The following PATJ variants were observed in gnomAD, a reference collection of about 807,000 sequenced individuals.
PATJ encodes PATJ crumbs cell polarity complex component.
PATJ carries 190 observed loss-of-function variants against 224.9 expected under a neutral mutation model. The ratio of observed to expected loss-of-function variants is 0.84; its 90% CI spans 0.75 to 0.95. The LOEUF is 0.95. Among genes scored for constraint, PATJ ranks in the 40% least tolerant of loss-of-function variants. The probability of loss-of-function intolerance (pLI) is 0.00; values close to 1 mark genes in which losing one functional copy is unlikely to be tolerated. For synonymous variants in PATJ, 769 were observed against 820.3 expected (o/e 0.94, Z 1.07); for missense variants, 2,121 against 2,270.3 (o/e 0.93, Z 1.34).
chr1:62,047,087 C>A (rs1652702531), intron 30 of PATJ, among the ~76,000 whole-genome samples: 1 of 152,140 alleles, frequency 6.6e-6, no homozygotes, highest in Admixed American at 6.6e-5. Context: ...TTAAGGAACG[C>A]TTTCCTTTCC....
chr1:61,912,062 A>G (rs1480701249), intron 25 of PATJ, among the ~76,000 whole-genome samples: 1 of 151,218 alleles, frequency 6.6e-6, no homozygotes, highest in Non-Finnish European at 1.5e-5. Flanking sequence ...TATGTTTATC[A>G]TCACGTGTTG....
At chr1:61,890,147 T>C (rs1189572636) in intron 22 of PATJ, among the ~76,000 whole-genome samples, 2 of 152,162 alleles carry the variant, frequency 1.3e-5, no homozygotes, top group African/African-American at 4.8e-5. Flanking sequence ...TATCTATCTT[T>C]TGTCACCCGT....
chr1:62,006,281 A>T (rs1646092309), intron 28 of PATJ, among the ~76,000 whole-genome samples: 1 of 151,872 alleles, frequency 6.6e-6, no homozygotes, highest in Non-Finnish European at 1.5e-5. Flanking sequence ...CACCCCACTA[A>T]TTTTTTCTAT....
intron 1 of PATJ, among the ~76,000 whole-genome samples, chr1:61,743,530 A>ATTTC (rs1312585699): frequency 1.3e-5 from 2 of 152,218 alleles, no homozygotes; most frequent in Non-Finnish European, 1.5e-5. Flanking sequence ...AGGAAGGCAG[A>ATTTC]AGCCTTTGGA....
rs77673861 is a variant in PATJ at position 61,760,394 on chromosome 1, A to G, written c.-35-2464A>G. On this transcript the variant is annotated intron_variant, in intron 1 of 43. Coordinates refer to ENST00000642238, the MANE Select transcript of PATJ (RefSeq NM_001350145.3). ...GTTGATGTAAGAAAATTTTGATTGT[A>G]TAATACTTGTATTTCTTTGATGGTT... 3.2e-4 allele frequency among the ~76,000 whole-genome samples: 48 copies of G among 152,310 alleles called. No individual in the cohort carries two copies. The East Asian group carries it at 8.3e-3, about 26-fold the overall frequency.
chr1:62,084,014 G>C (rs965611381), intron 32 of PATJ, among the ~76,000 whole-genome samples: 2 of 152,162 alleles, frequency 1.3e-5, no homozygotes, highest in African/African-American at 4.8e-5. Flanking sequence ...AGCACTTTGG[G>C]AGGCCAAGGC....
chr1:62,020,167 C>CA (rs959541685), intron 29 of PATJ, among the ~76,000 whole-genome samples: 135 of 143,252 alleles, frequency 9.4e-4, no homozygotes, highest in Non-Finnish European at 1.1e-3. Flanking sequence ...GACCTTGTCT[C>CA]AAAAAAAAAA....
intron 27 of PATJ, among the ~76,000 whole-genome samples, chr1:61,981,828 C>T (rs897467526): frequency 1.3e-5 from 2 of 152,176 alleles, no homozygotes; most frequent in African/African-American, 4.8e-5. Flanking sequence ...TGTGCCACCA[C>T]ATCCAGCTAA....
chr1:62,035,835 A>G (rs777449032), intron 29 of PATJ, among the ~76,000 whole-genome samples: 1 of 152,076 alleles, frequency 6.6e-6, no homozygotes, highest in Non-Finnish European at 1.5e-5. Flanking sequence ...GGGTGCTATG[A>G]GCATATTAAG....
intron 18 of PATJ, among the ~76,000 whole-genome samples, chr1:61,858,614 A>G (rs562804497): frequency 3.9e-5 from 6 of 152,210 alleles, no homozygotes; most frequent in African/African-American, 1.4e-4. Flanking sequence ...TTCATTCACC[A>G]TCGCGAAGAC....
At chr1:61,900,222 G>A (rs1670938769) in intron 23 of PATJ, among the ~76,000 whole-genome samples, 1 of 152,050 alleles carries the variant, frequency 6.6e-6, no homozygotes, top group Admixed American at 6.6e-5. Flanking sequence ...ATTATTAATG[G>A]ATATCTCCAC....
At chr1:61,767,816 A>G (rs1402338637) in intron 4 of PATJ, among the ~76,000 whole-genome samples, 1 of 151,354 alleles carries the variant, frequency 6.6e-6, no homozygotes, top group Non-Finnish European at 1.5e-5. Context: ...AGCTGGGACT[A>G]CAGGCGTGTG....
intron 9 of PATJ, 135 bp from the exon 10 acceptor site, chr1:61,795,332 C>T (rs1253793120): frequency 4.1e-6 from 2 of 491,858 alleles, no homozygotes; most frequent in South Asian, 3.9e-5. Flanking sequence ...CCATCAATTT[C>T]TCTGCTTGTG....
rs1669948584 is a variant in PATJ at position 62,163,019 on chromosome 1, AAC to A, written c.*1969_*1970del. 7.4e-6 allele frequency: 2 copies of A among 268,508 alleles called. No individual in the cohort carries two copies. Among genetic ancestry groups the A allele is most frequent in the African/African-American group, 4.7e-5 (2 of 42,796 alleles). 16.6% of individuals were successfully genotyped at this position (268,508 alleles called of 1,614,324 possible). A position where few individuals can be genotyped will look rare whatever the true frequency, so the allele number is the denominator to read the frequency against. On this transcript the variant is annotated 3_prime_UTR_variant, in exon 44 of 44. Transcript: ENST00000642238. ...AAGTAGTTCAGCATTATTTAACTACAACACAATGCTGCAAATATTTCACAGTA... is the reference window on the plus strand; with the variant it reads ...AAGTAGTTCAGCATTATTTAACTACAACAATGCTGCAAATATTTCACAGTA...
At position 61,991,657 on chromosome 1, in the gene PATJ, A is replaced by ACTTTT; in HGVS notation, c.3867+1302_3867+1306dup. The ACTTTT allele has an allele frequency of 4.1e-6, 4 of 985,284 alleles. No homozygotes were observed. In the South Asian group the frequency reaches 1.9e-4, roughly 46 times the overall value. 61.0% of individuals were successfully genotyped at this position (985,284 alleles called of 1,614,324 possible). A position where few individuals can be genotyped will look rare whatever the true frequency, so the allele number is the denominator to read the frequency against. ...CTGCAAAGAAGTCACTTCCAGGATT[A>ACTTTT]CTTTTCTTTTCTTGTTCTTTTATAA... On this transcript the variant is annotated intron_variant, in intron 28 of 43. Transcript: ENST00000642238.
Position 62,079,574 on chromosome 1 carries a change from T to G in PATJ, c.4243+7T>G, listed in dbSNP as rs74076514. The G allele has an allele frequency of 2.6e-6, 4 of 1,551,346 alleles. No homozygotes were observed. In the East Asian group the frequency reaches 9.0e-5, roughly 35 times the overall value. On this transcript the variant is annotated splice_region_variant and intron_variant, in intron 32 of 43. Coordinates refer to ENST00000642238, the MANE Select transcript of PATJ (RefSeq NM_001350145.3). Reference sequence around the variant, plus strand: ...GCAGACTTCACAGGCTATGGTATGATTCTTTCTCTCAGCAGATCTGGCTCA... The same window carrying G: ...GCAGACTTCACAGGCTATGGTATGAGTCTTTCTCTCAGCAGATCTGGCTCA...
At chr1:62,160,425 A>G (rs1483279629) in intron 43 of PATJ, among the ~76,000 whole-genome samples, 1 of 152,218 alleles carries the variant, frequency 6.6e-6, no homozygotes, top group Non-Finnish European at 1.5e-5. Flanking sequence ...TTCACTTACC[A>G]TACAATTCAC....
rs1269510908 is a variant in PATJ, at chr1:62,125,263, A to C, written c.5043+2205A>C. Among the ~76,000 whole-genome samples, 5 of 63,012 alleles carry C rather than the reference A, an allele frequency of 7.9e-5. 1 individual carries two copies. Among genetic ancestry groups the C allele is most frequent in the Admixed American group, 5.5e-4 (3 of 5,462 alleles). The allele number at this position is 63,012 out of a possible 152,430, so 41.3% of individuals were successfully genotyped here. ...AAAAAAAAAAAAAAAACAAAAAAAA[A>C]CAAAAAAAAAACGCCATTAGCTCTA... On this transcript the variant is annotated intron_variant, in intron 39 of 43. Coordinates refer to ENST00000642238, the MANE Select transcript of PATJ (RefSeq NM_001350145.3).
intron 14 of PATJ, among the ~76,000 whole-genome samples, chr1:61,821,888 C>T (rs981652805): frequency 5.3e-5 from 8 of 152,120 alleles, no homozygotes; most frequent in African/African-American, 1.4e-4. Flanking sequence ...TTGACTGTTA[C>T]AACCAACAAA....
Sources: allele counts gnomAD v4.1 joint callset (sites outside exome capture counted in the v4.1 genomes callset), GRCh38; gene constraint gnomAD v4.1.1; transcripts MANE v1.5; gene names NCBI Gene and HGNC (gene_info 2026-07-23, HGNC 2026-07-21).